Variants in KIAA1217 observed in about 807,000 individuals in gnomAD.
KIAA1217 encodes the protein sickle tail protein homolog.
KIAA1217 carries 88 observed loss-of-function variants against 163.9 expected under a neutral mutation model. The ratio of observed to expected loss-of-function variants is 0.54; its 90% CI spans 0.45 to 0.64. The LOEUF (loss-of-function observed/expected upper bound fraction) is 0.64. KIAA1217 is among the 30% of genes least tolerant of loss of function. The pLI is 0.00. For missense variants in KIAA1217, 2,372 were observed against 2,475.0 expected (o/e 0.96, Z 0.88); for synonymous variants, 903 against 923.1 (o/e 0.98, Z 0.39).
At chr10:24,515,221 T>C (rs887219260) in intron 10 of KIAA1217, among the ~76,000 whole-genome samples, 1 of 151,614 alleles carries the variant, frequency 6.6e-6, no homozygotes, top group Non-Finnish European at 1.5e-5. Context: ...GTGCACACCA[T>C]GATGCCCAGC....
At chr10:23,895,892 A>G (rs181491999) in intron 1 of KIAA1217, among the ~76,000 whole-genome samples, 3,241 of 151,044 alleles carry the variant, frequency 0.021, 49 homozygotes, top group South Asian at 0.038. Flanking sequence ...TATCGCAAGA[A>G]CAAAAAACCA....
At chr10:24,161,093 GC>G (rs1589724890) in intron 2 of KIAA1217, among the ~76,000 whole-genome samples, 1 of 152,184 alleles carries the variant, frequency 6.6e-6, no homozygotes, top group East Asian at 1.9e-4. Context: ...TGAGTGAGCA[GC>G]CCTACCTCCC....
intron 1 of KIAA1217, among the ~76,000 whole-genome samples, chr10:23,934,579 A>T (rs376702292): frequency 1.2e-4 from 7 of 59,776 alleles, no homozygotes; most frequent in African/African-American, 1.0e-3. Context: ...ATATATATAT[A>T]TATATATATA....
At chr10:24,460,893 C>G (rs1000950996) in intron 5 of KIAA1217, among the ~76,000 whole-genome samples, 3 of 152,052 alleles carry the variant, frequency 2.0e-5, no homozygotes, top group Non-Finnish European at 4.4e-5. Context: ...ATGAGACAGG[C>G]CTGAAGGGGT....
chr10:23,808,105 ACTAT>A (rs1176305126), intron 1 of KIAA1217, among the ~76,000 whole-genome samples: 1 of 152,240 alleles, frequency 6.6e-6, no homozygotes, highest in African/African-American at 2.4e-5. Context: ...CTGGATTTAT[ACTAT>A]CTATGTGGTG....
rs369156202 is a variant in KIAA1217, at chr10:24,543,904, A to T, written c.4634A>T (p.Lys1545Met). The change falls in exon 19 of 21, where the codon AAG becomes ATG. Residue 1545 changes from lysine (K) to methionine (M), a missense_variant. Lys to Met is a moderately conservative substitution (Grantham distance 95). Transcript: ENST00000376454. ...GAAATGAACAGAACGGAGCTGAACA[A>T]GTTCAGCCACGTGGATTCTCCAAAT... The part of the protein sequence containing the change: ...GQEMNRTELN[K>M]FSHVDSPNSE... 16 of 1,613,990 alleles carry T rather than the reference A, an allele frequency of 9.9e-6. No individual in the cohort carries two copies. The highest frequency in any genetic ancestry group is 1.4e-5 in the Non-Finnish European group (16 of 1,180,026).
chr10:24,000,143 T>C (rs1037382185), intron 1 of KIAA1217, among the ~76,000 whole-genome samples: 3 of 152,220 alleles, frequency 2.0e-5, no homozygotes, highest in African/African-American at 7.2e-5. Context: ...ATTTCTAGCA[T>C]TGTATACTTT....
chr10:24,178,237 T>C (rs1288275113), intron 2 of KIAA1217, among the ~76,000 whole-genome samples: 3 of 152,240 alleles, frequency 2.0e-5, no homozygotes, highest in Non-Finnish European at 4.4e-5. Context: ...TAGAGCTGTT[T>C]ATTGTTTTAT....
At chr10:24,100,198 T>G (rs899480927) in intron 2 of KIAA1217, among the ~76,000 whole-genome samples, 1 of 152,076 alleles carries the variant, frequency 6.6e-6, no homozygotes, top group Admixed American at 6.6e-5. Context: ...GCTGCTATTA[T>G]GTTAGTTAGG....
chr10:23,931,038 T>C (rs752773642), intron 1 of KIAA1217, among the ~76,000 whole-genome samples: 1 of 152,200 alleles, frequency 6.6e-6, no homozygotes, highest in Non-Finnish European at 1.5e-5. Context: ...AACAGAATAT[T>C]CTATTAAATA....
rs563266304 is a variant in KIAA1217, at chr10:24,537,370, G to A, written c.3534+477G>A. Among the ~76,000 whole-genome samples the A allele has an allele frequency of 2.0e-5, 3 of 152,258 alleles. No individual in the cohort carries two copies. The South Asian group carries it at 6.2e-4, about 32-fold the overall frequency. ...GCAGGTGGATCACCTGAGGTCAGGAGTTCGAGACCAGCCTGGCCAACATGG... is the reference window on the plus strand; with the variant it reads ...GCAGGTGGATCACCTGAGGTCAGGAATTCGAGACCAGCCTGGCCAACATGG... On this transcript the variant is annotated intron_variant, in intron 17 of 20. Coordinates refer to ENST00000376454, the MANE Select transcript of KIAA1217 (RefSeq NM_019590.5).
intron 2 of KIAA1217, among the ~76,000 whole-genome samples, chr10:24,165,327 G>A: frequency 6.6e-6 from 1 of 152,178 alleles, no homozygotes; most frequent in East Asian, 1.9e-4. Context: ...CTCACCTCCA[G>A]GAACTGTCCG....
chr10:24,177,092 C>G (rs940644196), intron 2 of KIAA1217, among the ~76,000 whole-genome samples: 6 of 151,422 alleles, frequency 4.0e-5, no homozygotes, highest in Admixed American at 3.3e-4. Flanking sequence ...TCCACACCTC[C>G]CCACAAGCAC....
intron 7 of KIAA1217, among the ~76,000 whole-genome samples, chr10:24,494,807 C>T (rs1156698608): frequency 2.0e-5 from 3 of 151,658 alleles, no homozygotes; most frequent in Non-Finnish European, 4.4e-5. Context: ...AATTCTTGGT[C>T]GAAAGTAACA....
At chr10:24,387,086 G>A (rs543496084) in intron 3 of KIAA1217, among the ~76,000 whole-genome samples, 4 of 152,262 alleles carry the variant, frequency 2.6e-5, no homozygotes, top group African/African-American at 7.2e-5. Flanking sequence ...GTCAGAGCAG[G>A]CAGACACACA....
Position 24,523,285 on chromosome 10 carries a change from G to A in KIAA1217, c.2457-1038G>A, listed in dbSNP as rs1370784005. On this transcript the variant is annotated intron_variant, in intron 12 of 20. Transcript: ENST00000376454. ...TGCAGTGGGCTAGGATTGAGCCACT[G>A]CACTCCAGCCTGGGCAACAGAGCGA... is the stretch of plus-strand genomic sequence containing the variant. Among the ~76,000 whole-genome samples, 6 of 152,286 alleles carry A rather than the reference G, an allele frequency of 3.9e-5. No individual in the cohort carries two copies. In the East Asian group the frequency reaches 1.2e-3, roughly 29 times the overall value.
At chr10:24,074,387 A>C (rs2061296192) in intron 2 of KIAA1217, among the ~76,000 whole-genome samples, 1 of 152,082 alleles carries the variant, frequency 6.6e-6, no homozygotes, top group South Asian at 2.1e-4. Flanking sequence ...ACAACAAAAA[A>C]AAACACCTAA....
chr10:24,087,585 T>C (rs1475963703), intron 2 of KIAA1217, among the ~76,000 whole-genome samples: 1 of 152,182 alleles, frequency 6.6e-6, no homozygotes, highest in African/African-American at 2.4e-5. Flanking sequence ...AATAAATGAA[T>C]TAGCGAAAGG....
rs563152419 is a variant in KIAA1217, at chr10:24,268,140, G to A, written c.354+48231G>A. Among the ~76,000 whole-genome samples, 7 of 152,274 alleles carry A rather than the reference G, an allele frequency of 4.6e-5. No individual in the cohort carries two copies. The East Asian group carries it at 1.4e-3, about 29-fold the overall frequency. Reference sequence around the variant, plus strand: ...GTCTGTGAATGGCAAAGGAATCAGAGCAAGTCATTACTCTCTAGTTCATTT... The same window carrying A: ...GTCTGTGAATGGCAAAGGAATCAGAACAAGTCATTACTCTCTAGTTCATTT... On this transcript the variant is annotated intron_variant, in intron 2 of 20. Transcript: ENST00000376454.
Sources: gnomAD v4.1 joint callset for allele counts (sites outside exome capture counted in the v4.1 genomes callset) on GRCh38, gnomAD v4.1.1 for gene constraint, MANE v1.5 for transcripts, NCBI Gene and HGNC (gene_info 2026-07-23, HGNC 2026-07-21) for gene names.